Variants in DST observed in about 807,000 individuals in gnomAD.
The protein encoded by DST is dystonin.
Under a neutral mutation model 875.2 loss-of-function variants are expected in DST, and 253 were observed. The ratio of observed to expected loss-of-function variants is 0.29; its 90% CI spans 0.26 to 0.32. DST has a LOEUF of 0.32. Ranked by LOEUF, DST falls within the 10% of genes least tolerant of loss-of-function variation. The pLI is 1.00. For missense variants in DST, 8,287 were observed against 9,111.6 expected, an observed-to-expected ratio of 0.91 and a Z score of 3.68; for synonymous variants, 3,124 against 3,197.1, an observed-to-expected ratio of 0.98 and a Z score of 0.77.
Position 56,634,247 on chromosome 6 carries a change from T to C in DST, c.3506A>G (p.Gln1169Arg), listed in dbSNP as rs2098807488. Residue 1169 changes from glutamine (Q) to arginine (R), a missense_variant, in exon 27 of 104, where the codon CAG becomes CGG. This residue lies in a region of DST where 1,160 missense variants were observed against 1,424.3 expected (regional missense o/e 0.81). Transcript: ENST00000680361. ...CCAAAGAGTCAGGACATTCTGATAC[T>C]GTTGCTCAATTCTGAAATACATGAA... ...AVDLANRIEQ[Q>R]YQNVLTLWHE... 1 of 1,613,904 alleles carries C rather than the reference T, an allele frequency of 6.2e-7. No homozygotes were observed.
At chr6:56,713,598 CA>C (rs2099385352) in intron 5 of DST, among the ~76,000 whole-genome samples, 1 of 152,184 alleles carries the variant, frequency 6.6e-6, no homozygotes, top group African/African-American at 2.4e-5. Flanking sequence ...GGGCAAGTAA[CA>C]GAATCCACTG....
intron 55 of DST, 53 bp from the exon 56 acceptor site, chr6:56,562,253 T>A (rs1193647220): frequency 5.5e-6 from 7 of 1,276,532 alleles, no homozygotes; most frequent in Non-Finnish European, 7.5e-6. Context: ...TTTCTATACA[T>A]TAACAGTAGA....
rs769894107 is a variant in DST, at chr6:56,511,371, C to T, written c.18606G>A (p.Lys6202=). ...TTTTGTTCATCTTATCTATATGAGG[C>T]TTGTGTTCAGCTATCAACTCACGCA... ...RQLRELIAEH[K]PHIDKMNKTG... is the part of the protein sequence containing the mutation. The change falls in exon 73 of 104, where the codon AAG becomes AAA. Residue 6202 remains lysine, a synonymous_variant. Transcript: ENST00000680361. 1.5e-5 allele frequency: 24 copies of T among 1,606,952 alleles called. No homozygotes were observed. In the Admixed American group the frequency reaches 3.4e-4, roughly 23 times the overall value.
intron 2 of DST, among the ~76,000 whole-genome samples, chr6:56,910,407 T>C (rs1308958581): frequency 6.6e-6 from 1 of 152,218 alleles, no homozygotes; most frequent in Non-Finnish European, 1.5e-5. Context: ...TCCTCCCACC[T>C]GAGCCTCCCA....
intron 72 of DST, among the ~76,000 whole-genome samples, chr6:56,513,127 T>C (rs1200832084): frequency 1.3e-5 from 2 of 152,302 alleles, no homozygotes; most frequent in African/African-American, 4.8e-5. Flanking sequence ...TCAAATAAAA[T>C]GCTACATCTC....
At chr6:56,790,538 T>C (rs942109202) in intron 4 of DST, among the ~76,000 whole-genome samples, 2 of 152,226 alleles carry the variant, frequency 1.3e-5, no homozygotes, top group Non-Finnish European at 2.9e-5. Flanking sequence ...TATCTTCTCA[T>C]TCACAGCCCA....
Position 56,568,563 on chromosome 6 carries a change from T to C in DST, c.13911A>G (p.Pro4637=). 2 of 1,611,370 alleles carry C rather than the reference T, an allele frequency of 1.2e-6. No individual in the cohort carries two copies. The highest frequency in any genetic ancestry group is 1.7e-6 in the Non-Finnish European group (2 of 1,178,694). The part of the protein sequence containing the change: ...KLQEKWSLKT[P]EIQKVNNSGI... ...CACTGTTGTTTACTTTCTGAATCTC[T>C]GGTGTTTTTAAACTCCACTTTTCTT... The change falls in exon 55 of 104, where the codon CCA becomes CCG. Residue 4637 remains proline, a synonymous_variant. Coordinates refer to ENST00000680361, the MANE Select transcript of DST (RefSeq NM_001374736.1).
In DST at chr6:56,529,450, G is replaced by A. The variant is rs766911461; in HGVS notation, c.17593C>T (p.Arg5865Trp). The A allele has an allele frequency of 2.3e-5, 34 of 1,464,994 alleles. No homozygotes were observed. Among genetic ancestry groups the A allele is most frequent in the Non-Finnish European group, 2.6e-5 (29 of 1,107,152 alleles). The allele number at this position is 1,464,994 out of a possible 1,614,324, so 90.7% of individuals were successfully genotyped here. A position where few individuals can be genotyped will look rare whatever the true frequency, so the allele number is the denominator to read the frequency against. Residue 5865 changes from arginine (R) to tryptophan (W), a missense_variant and splice_region_variant, in exon 66 of 104, where the codon CGG becomes TGG. Transcript: ENST00000680361. ...EGLWKQQSELRVLQEDILLRK... is the reference protein window; with the variant it reads ...EGLWKQQSELWVLQEDILLRK... ...TAAAATAAAATAAATCAAAATACCC[G>A]AAGTTCAGACTGCTGCTTCCATAGC...
At position 56,472,339 on chromosome 6, in the gene DST, G is replaced by A. The variant is rs1295497728; in HGVS notation, c.21995-117C>T. 11 of 862,742 alleles carry A rather than the reference G, an allele frequency of 1.3e-5. No homozygotes were observed. The East Asian group carries it at 2.9e-4, about 23-fold the overall frequency. The allele number at this position is 862,742 out of a possible 1,614,324, so 53.4% of individuals were successfully genotyped here. A position where few individuals can be genotyped will look rare whatever the true frequency, so the allele number is the denominator to read the frequency against. ...TCAACTTAATTACGTGTTTACGCAA[G>A]TAAAAGTATCCTAATTTAGATGATG... On this transcript the variant is annotated intron_variant, in intron 93 of 103. Transcript: ENST00000680361.
chr6:56,775,547 T>C (rs1564110136), intron 4 of DST, among the ~76,000 whole-genome samples: 1 of 152,172 alleles, frequency 6.6e-6, no homozygotes, highest in Non-Finnish European at 1.5e-5. Flanking sequence ...TGGTTTCTAA[T>C]ATCAGCTTCC....
rs750883977 is a variant in DST at position 56,471,126 on chromosome 6, A to G, written c.22301T>C (p.Ile7434Thr). Residue 7434 changes from isoleucine to threonine, a missense_variant, in exon 95 of 104, where the codon ATT becomes ACT. Coordinates refer to ENST00000680361, the MANE Select transcript of DST (RefSeq NM_001374736.1). ...QDGKITRQEF[I>T]DGILSSKFPT... ...CTTACTTGAGGAAAGAATTCCATCAATAAATTCCTGCCGCGTTATTTTCCC... is the reference window on the plus strand; with the variant it reads ...CTTACTTGAGGAAAGAATTCCATCAGTAAATTCCTGCCGCGTTATTTTCCC... The G allele has an allele frequency of 1.2e-6, 2 of 1,611,752 alleles. No homozygotes were observed. Among genetic ancestry groups the G allele is most frequent in the African/African-American group, 1.3e-5 (1 of 74,884 alleles).
At chr6:56,564,906 G>A (rs2097636951) in intron 55 of DST, among the ~76,000 whole-genome samples, 1 of 152,118 alleles carries the variant, frequency 6.6e-6, no homozygotes, top group Non-Finnish European at 1.5e-5. Context: ...TGCTTCCCAG[G>A]GATAAAGCCG....
chr6:56,742,698 A>T (rs956724398), intron 4 of DST, among the ~76,000 whole-genome samples: 1 of 152,168 alleles, frequency 6.6e-6, no homozygotes, highest in African/African-American at 2.4e-5. Context: ...AACTCATCAC[A>T]TTCTCTCTTC....
At chr6:56,843,569 G>C (rs112513617) in intron 4 of DST, 3 of 983,804 alleles carry the variant, frequency 3.0e-6, no homozygotes, top group South Asian at 4.7e-5. Context: ...CGCGTGCTTC[G>C]GGCCGGGCCG....
rs939737324 is a variant in DST at position 56,817,041 on chromosome 6, G to A, written c.625+34356C>T. On this transcript the variant is annotated intron_variant, in intron 4 of 103. Transcript: ENST00000680361. ...CCTACCAAGGAATGCCCAGACTCTT[G>A]ACCCATGGAAATAGTGAGATAAATG... Among the ~76,000 whole-genome samples, 8 of 151,508 alleles carry A rather than the reference G, an allele frequency of 5.3e-5. 1 individual carries two copies. Among genetic ancestry groups the A allele is most frequent in the Admixed American group, 4.6e-4 (7 of 15,176 alleles).
In DST at chr6:56,459,107, T is replaced by A. The variant is rs577012766; in HGVS notation, c.23355A>T (p.Thr7785=). The change falls in exon 104 of 104, where the codon ACA becomes ACT. Residue 7785 remains threonine, a synonymous_variant. Coordinates refer to ENST00000680361, the MANE Select transcript of DST (RefSeq NM_001374736.1). ...TGGATGGCCGAGAACCTGCTCGGGG[T>A]GTAGGTCTGTGTGTCTGGGGGACAG... ...VETVPQTHRP[T]PRAGSRPSTA... is the part of the protein sequence containing the mutation. The A allele has an allele frequency of 1.2e-6, 2 of 1,613,830 alleles. No individual in the cohort carries two copies. Among genetic ancestry groups the A allele is most frequent in the Non-Finnish European group, 1.7e-6 (2 of 1,179,848 alleles).
chr6:56,536,698 C>A, intron 62 of DST, 81 bp downstream of exon 62: 1 of 1,371,446 alleles, frequency 7.3e-7, no homozygotes, highest in Non-Finnish European at 9.7e-7. Context: ...AGTTTGGCTA[C>A]CACAAATATG....
chr6:56,922,827 T>C (rs902366628), intron 2 of DST, among the ~76,000 whole-genome samples: 25 of 152,160 alleles, frequency 1.6e-4, no homozygotes, highest in African/African-American at 6.0e-4. Flanking sequence ...GTACAGCTGG[T>C]CAGATACAAA....
intron 4 of DST, among the ~76,000 whole-genome samples, chr6:56,741,029 AC>A (rs1309871192): frequency 1.3e-5 from 2 of 152,216 alleles, no homozygotes; most frequent in Non-Finnish European, 2.9e-5. Flanking sequence ...AAAAGGGTTA[AC>A]AAAATAGATT....
Sources: allele counts gnomAD v4.1 joint callset (sites outside exome capture counted in the v4.1 genomes callset), GRCh38; gene constraint gnomAD v4.1.1; regional missense constraint gnomAD v4.1.1; transcripts MANE v1.5; gene names NCBI Gene and HGNC (gene_info 2026-07-23, HGNC 2026-07-21).